The following ANO1 variants were observed in gnomAD, a reference collection of about 807,000 sequenced individuals.
ANO1 encodes the protein anoctamin-1.
A neutral mutation model predicts 124.0 loss-of-function variants in ANO1; 59 were observed. The observed-to-expected ratio is 0.48, with a 90% CI of 0.39 to 0.59. The LOEUF is 0.59. Ranked by LOEUF, ANO1 falls within the 20% of genes least tolerant of loss-of-function variation. ANO1 has a pLI of 0.00. For synonymous variants in ANO1, 529 were observed against 532.0 expected (o/e 0.99, Z 0.08); for missense variants, 1,059 against 1,328.0 (o/e 0.80, Z 3.15).
intron 3 of ANO1, among the ~76,000 whole-genome samples, chr11:70,103,671 G>A (rs942858992): frequency 1.6e-4 from 25 of 152,198 alleles, no homozygotes; most frequent in Non-Finnish European, 3.7e-4. Flanking sequence ...AGGCGGACGG[G>A]TGAAGCCGGG....
chr11:70,122,325 G>C (rs1322819325), intron 8 of ANO1, among the ~76,000 whole-genome samples: 1 of 56,080 alleles, frequency 1.8e-5, no homozygotes, highest in Non-Finnish European at 3.3e-5. Flanking sequence ...CTGTCTCTCT[G>C]TCTCTGTCTC....
chr11:69,985,157 C>A (rs1459873287), upstream of ANO1, among the ~76,000 whole-genome samples: 2 of 152,216 alleles, frequency 1.3e-5, no homozygotes, highest in Non-Finnish European at 2.9e-5. Context: ...GAGGAAGGGT[C>A]GGGGACAGGC....
chr11:70,140,239 T>C (rs2047102387), intron 11 of ANO1, among the ~76,000 whole-genome samples: 1 of 152,038 alleles, frequency 6.6e-6, no homozygotes, highest in Admixed American at 6.6e-5. Context: ...ATTAAGAAAG[T>C]AAAGGAGTGG....
chr11:70,069,198 G>A (rs1565173422), intron 1 of ANO1, among the ~76,000 whole-genome samples: 3 of 152,226 alleles, frequency 2.0e-5, no homozygotes, highest in African/African-American at 7.2e-5. Flanking sequence ...CCCTGACCAA[G>A]GAAAGGGTCC....
At chr11:70,042,548 T>TGAGA (rs146754285) in intron 1 of ANO1, among the ~76,000 whole-genome samples, 3,390 of 136,302 alleles carry the variant, frequency 0.025, 116 homozygotes, top group East Asian at 0.16. Flanking sequence ...ATTGAGAGAT[T>TGAGA]GAGAGAGAGA....
chr11:69,993,552 T>C (rs1463084727), intron 1 of ANO1, among the ~76,000 whole-genome samples: 1 of 152,184 alleles, frequency 6.6e-6, no homozygotes, highest in Non-Finnish European at 1.5e-5. Context: ...TAGCGTTTGC[T>C]TCCTAGTCCC....
At chr11:69,978,570 C>T in the ANO1 span, among the ~76,000 whole-genome samples, 1 of 152,298 alleles carries the variant, frequency 6.6e-6, no homozygotes, top group South Asian at 2.1e-4. Flanking sequence ...AGGCTGGTCT[C>T]CAAATCCTGA....
intron 1 of ANO1, among the ~76,000 whole-genome samples, chr11:69,996,047 G>T (rs1856265661): frequency 6.6e-6 from 1 of 152,266 alleles, no homozygotes; most frequent in East Asian, 1.9e-4. Flanking sequence ...GGAGGTAGAG[G>T]TTGCAGTGAG....
intron 22 of ANO1, among the ~76,000 whole-genome samples, chr11:70,173,999 A>C (rs183545467): frequency 6.6e-6 from 1 of 150,394 alleles, no homozygotes; most frequent in South Asian, 2.1e-4. Flanking sequence ...GCAGTGGCAC[A>C]ATCTCGGCTC....
rs779114531 is a variant in ANO1, at chr11:70,153,022, A to T, written c.1354-35A>T. On this transcript the variant is annotated intron_variant, in intron 13 of 25. Transcript: ENST00000355303. ...GCTGAGGAGCTCAGACTCAAAATTA[A>T]CAAGGACTCTGTCTTGACTTGGTTT... 6.3e-6 allele frequency: 10 copies of T among 1,574,994 alleles called. No homozygotes were observed. In the South Asian group the frequency reaches 1.0e-4, roughly 16 times the overall value.
intron 21 of ANO1, among the ~76,000 whole-genome samples, chr11:70,167,701 A>AGTCCCCAGGCACG (rs143688753): frequency 7.1e-6 from 1 of 141,440 alleles, no homozygotes; most frequent in Non-Finnish European, 1.6e-5. Context: ...CCCCAGCCAC[A>AGTCCCCAGGCACG]GTCCCCAGGC....
At chr11:70,101,041 G>A (rs150148480) in intron 2 of ANO1, among the ~76,000 whole-genome samples, 7 of 152,076 alleles carry the variant, frequency 4.6e-5, no homozygotes, top group African/African-American at 7.2e-5. Context: ...CAGAAGGAGC[G>A]ATGAGACAGG....
intron 8 of ANO1, among the ~76,000 whole-genome samples, chr11:70,123,325 G>A (rs865791233): frequency 3.3e-5 from 5 of 152,310 alleles, no homozygotes; most frequent in East Asian, 1.9e-4. Flanking sequence ...GGGGGCAGCC[G>A]TGGGTACACC....
rs200929507 is a variant in ANO1, at chr11:70,127,697, C to CA, written c.1097+1513dup. ...GGGGAACAGAGTGGGGCCCTGTAGC[C>CA]AAAAAAAAAAAGAGTCAAGTTTTGA... On this transcript the variant is annotated intron_variant, in intron 10 of 25. Transcript: ENST00000355303. Among the ~76,000 whole-genome samples, 323 of 141,980 alleles carry CA rather than the reference C, an allele frequency of 2.3e-3. 3 individuals are homozygous for CA. Among genetic ancestry groups the CA allele is most frequent in the African/African-American group, 7.2e-3 (279 of 38,670 alleles). 93.1% of individuals were successfully genotyped at this position (141,980 alleles called of 152,430 possible).
rs576542569 is a variant in ANO1, at chr11:70,157,086, G to A, written c.1578+65G>A. The A allele has an allele frequency of 6.6e-5, 97 of 1,462,480 alleles. 1 individual carries two copies. In the South Asian group the frequency reaches 1.1e-3, roughly 17 times the overall value. The allele number at this position is 1,462,480 out of a possible 1,614,324, so 90.6% of individuals were successfully genotyped here. On this transcript the variant is annotated intron_variant, in intron 16 of 25. Transcript: ENST00000355303. ...AACCGCAAGGAAGTGATTGGCTTCA[G>A]CCGGGCGTGGTGGTTCACGACTGTA...
At position 70,011,773 on chromosome 11, in the gene ANO1, T is replaced by G. The variant is rs181902936; in HGVS notation, c.58+25607T>G. 6.3e-3 allele frequency among the ~76,000 whole-genome samples: 960 copies of G among 152,322 alleles called. 9 individuals are homozygous for G. Among genetic ancestry groups the G allele is most frequent in the African/African-American group, 0.022 (907 of 41,548 alleles). On this transcript the variant is annotated intron_variant, in intron 1 of 27. Coordinates refer to the ANO1 transcript ENST00000531349. Reference sequence around the variant, plus strand: ...CTGCAGAGTGCTGAGTGTTGACTCATTCTTGCAGCATCCACGCACCTCAAA... The same window carrying G: ...CTGCAGAGTGCTGAGTGTTGACTCAGTCTTGCAGCATCCACGCACCTCAAA...
At chr11:70,005,067 C>T (rs895107661) in intron 1 of ANO1, among the ~76,000 whole-genome samples, 14 of 150,192 alleles carry the variant, frequency 9.3e-5, no homozygotes, top group South Asian at 2.1e-4. Context: ...GAGCCGAGAT[C>T]GTGCCACTGC....
At chr11:69,996,059 C>T (rs938783155) in intron 1 of ANO1, among the ~76,000 whole-genome samples, 1 of 152,112 alleles carries the variant, frequency 6.6e-6, no homozygotes, top group Admixed American at 6.5e-5. Flanking sequence ...TGCAGTGAGC[C>T]GATATTGCAT....
intron 1 of ANO1, among the ~76,000 whole-genome samples, chr11:69,996,089 C>T (rs1438722406): frequency 5.3e-5 from 8 of 152,086 alleles, no homozygotes; most frequent in South Asian, 2.1e-4. Context: ...CCACCCTGGG[C>T]GACAGCAAGA....
Sources: gnomAD v4.1 joint callset for allele counts (sites outside exome capture counted in the v4.1 genomes callset) on GRCh38, gnomAD v4.1.1 for gene constraint, MANE v1.5 for transcripts, NCBI Gene and HGNC (gene_info 2026-07-23, HGNC 2026-07-21) for gene names.